Variants in TENM4 observed in about 807,000 individuals in gnomAD.
TENM4 encodes teneurin transmembrane protein 4.
TENM4 carries 82 observed loss-of-function variants against 243.3 expected under a neutral mutation model. The ratio of observed to expected loss-of-function variants is 0.34; its 90% CI spans 0.28 to 0.40. The LOEUF (loss-of-function observed/expected upper bound fraction) is 0.40. TENM4 is among the 10% of genes least tolerant of loss of function. TENM4 has a pLI of 1.00. For missense variants in TENM4, 3,138 were observed against 3,673.3 expected (o/e 0.85, Z 3.77); for synonymous variants, 1,412 against 1,456.3 (o/e 0.97, Z 0.69).
chr11:78,972,937 G>A (rs1857576352), intron 6 of TENM4, among the ~76,000 whole-genome samples: 1 of 152,176 alleles, frequency 6.6e-6, no homozygotes, highest in Admixed American at 6.5e-5. Context: ...TATAATATGT[G>A]CTCTTTTGTG....
intron 7 of TENM4, among the ~76,000 whole-genome samples, chr11:78,899,810 G>C (rs1433895075): frequency 6.6e-6 from 1 of 152,006 alleles, no homozygotes; most frequent in Non-Finnish European, 1.5e-5. Context: ...TTTACTTTCT[G>C]CCATGAGTGG....
intron 7 of TENM4, among the ~76,000 whole-genome samples, chr11:78,902,767 G>C (rs938989420): frequency 1.3e-5 from 2 of 152,196 alleles, no homozygotes; most frequent in African/African-American, 4.8e-5. Flanking sequence ...GGAAGGAGGA[G>C]AGGTGGGGAG....
In TENM4 at chr11:78,805,284, G is replaced by C. The variant is rs760484355; in HGVS notation, c.2179+8C>G. The C allele has an allele frequency of 2.1e-3, 424 of 200,862 alleles. No individual in the cohort carries two copies. The highest frequency in any genetic ancestry group is 4.0e-3 in the South Asian group (44 of 11,136). The allele number at this position is 200,862 out of a possible 1,614,324, so 12.4% of individuals were successfully genotyped here. On this transcript the variant is annotated splice_region_variant and intron_variant, in intron 15 of 33. Transcript: ENST00000278550. Reference sequence around the variant, plus strand: ...CTCTACCCATGCTTCTTCTCCCCCTGCATTTACCGATAGAACAGTCGTGTC... The same window carrying C: ...CTCTACCCATGCTTCTTCTCCCCCTCCATTTACCGATAGAACAGTCGTGTC...
chr11:79,016,704 A>G (rs1858783725), intron 6 of TENM4, among the ~76,000 whole-genome samples: 1 of 152,214 alleles, frequency 6.6e-6, no homozygotes, highest in Admixed American at 6.5e-5. Flanking sequence ...CATGCCCAAG[A>G]AAAACTACCC....
intron 1 of TENM4, among the ~76,000 whole-genome samples, chr11:79,411,023 A>G (rs1049364209): frequency 2.0e-5 from 3 of 152,156 alleles, no homozygotes; most frequent in African/African-American, 4.8e-5. Flanking sequence ...GCCAGCACCC[A>G]TATTCTCTAC....
chr11:79,160,452 G>A (rs1046323284), intron 3 of TENM4, among the ~76,000 whole-genome samples: 1 of 152,112 alleles, frequency 6.6e-6, no homozygotes, highest in African/African-American at 2.4e-5. Context: ...GGGGGACTTG[G>A]GGAGAGCCTC....
intron 12 of TENM4, among the ~76,000 whole-genome samples, chr11:78,843,763 G>T (rs1338055186): frequency 6.6e-6 from 1 of 152,182 alleles, no homozygotes; most frequent in African/African-American, 2.4e-5. Context: ...AGGAGTACTG[G>T]CAAAGAAAGA....
intron 26 of TENM4, 127 bp from the exon 27 acceptor site, chr11:78,708,642 C>A: frequency 9.0e-7 from 1 of 1,113,938 alleles, no homozygotes; most frequent in South Asian, 1.6e-5. Flanking sequence ...CCACAACCTT[C>A]ATTCCTCTCT....
Position 78,954,640 on chromosome 11 carries a change from C to T in TENM4, c.494-51117G>A, listed in dbSNP as rs371303906. Among the ~76,000 whole-genome samples, 16 of 152,294 alleles carry T rather than the reference C, an allele frequency of 1.1e-4. No individual in the cohort carries two copies. In the East Asian group the frequency reaches 2.7e-3, roughly 26 times the overall value. ...CCTGCTTTCATAGTATTTATTTTTA[C>T]AGTTACCTTCTATTTATGGCAAGTC... On this transcript the variant is annotated intron_variant, in intron 6 of 33. Coordinates refer to ENST00000278550, the MANE Select transcript of TENM4 (RefSeq NM_001098816.3).
At chr11:78,798,560 T>C (rs1857213240) in intron 15 of TENM4, among the ~76,000 whole-genome samples, 1 of 152,212 alleles carries the variant, frequency 6.6e-6, no homozygotes, top group South Asian at 2.1e-4. Context: ...TCATTGACAA[T>C]TATTTTAAGC....
chr11:79,168,073 C>T (rs1308152746), intron 3 of TENM4, among the ~76,000 whole-genome samples: 1 of 152,186 alleles, frequency 6.6e-6, no homozygotes, highest in Non-Finnish European at 1.5e-5. Context: ...TTGTGCCTGG[C>T]AGGCAGGAGC....
At chr11:78,852,924 A>ATTT (rs767358890) in intron 12 of TENM4, among the ~76,000 whole-genome samples, 5 of 150,552 alleles carry the variant, frequency 3.3e-5, no homozygotes, top group Non-Finnish European at 5.9e-5. Context: ...TACTTTTAAT[A>ATTT]TTTTTTTTTG....
chr11:79,290,127 T>C (rs1264046811), intron 2 of TENM4, among the ~76,000 whole-genome samples: 2 of 152,154 alleles, frequency 1.3e-5, no homozygotes, highest in Non-Finnish European at 2.9e-5. Flanking sequence ...GGAGGCTCTC[T>C]AATCTATAAA....
At chr11:78,836,303 T>C (rs1858113417) in intron 12 of TENM4, among the ~76,000 whole-genome samples, 1 of 152,158 alleles carries the variant, frequency 6.6e-6, no homozygotes, top group Admixed American at 6.5e-5. Flanking sequence ...TCAGCCGAGA[T>C]TGCGCTGTTG....
In TENM4 at chr11:79,319,558, C is replaced by A. The variant is rs191976465; in HGVS notation, c.-320-22015G>T. Among the ~76,000 whole-genome samples, 12 of 152,148 alleles carry A rather than the reference C, an allele frequency of 7.9e-5. No individual in the cohort carries two copies. In the East Asian group the frequency reaches 2.1e-3, roughly 27 times the overall value. ...CAAGTATGTGCAACTTAATGTTGTT[C>A]CACCAAATGGATGATCCTGGGCATG... On this transcript the variant is annotated intron_variant, in intron 1 of 33. Coordinates refer to ENST00000278550, the MANE Select transcript of TENM4 (RefSeq NM_001098816.3).
intron 1 of TENM4, among the ~76,000 whole-genome samples, chr11:79,404,294 T>C (rs180997014): frequency 6.4e-4 from 98 of 152,362 alleles, no homozygotes; most frequent in African/African-American, 2.1e-3. Context: ...AGTCCACTTA[T>C]TCATTTCACA....
intron 10 of TENM4, among the ~76,000 whole-genome samples, chr11:78,858,368 G>GA (rs893913516): frequency 8.1e-5 from 12 of 148,900 alleles, no homozygotes; most frequent in African/African-American, 2.5e-4. Flanking sequence ...TGTATATGCT[G>GA]AAAAAAAAAA....
intron 9 of TENM4, among the ~76,000 whole-genome samples, chr11:78,886,500 C>A (rs985628962): frequency 1.4e-4 from 21 of 152,248 alleles, no homozygotes; most frequent in African/African-American, 4.8e-4. Context: ...TGCACACCTG[C>A]AACGCGTTCA....
rs1275296904 is a variant in TENM4 at position 78,669,166 on chromosome 11, G to A, written c.7179C>T (p.Asn2393=). The part of the protein sequence containing the change: ...TAYGEIYMDT[N]PNFQIIIGYH... ...AGCCTATGATGATCTGAAAGTTGGGGTTGGTATCCATGTAGATCTCCCCAT... is the reference window on the plus strand; with the variant it reads ...AGCCTATGATGATCTGAAAGTTGGGATTGGTATCCATGTAGATCTCCCCAT... Residue 2393 remains asparagine, a synonymous_variant, in exon 32 of 34, where the codon AAC becomes AAT. Coordinates refer to ENST00000278550, the MANE Select transcript of TENM4 (RefSeq NM_001098816.3). The surrounding 1 kb of genome is among the most constrained non-coding windows in gnomAD (Gnocchi z 6.4). The A allele has an allele frequency of 3.1e-6, 5 of 1,613,848 alleles. No individual in the cohort carries two copies. Among genetic ancestry groups the A allele is most frequent in the Admixed American group, 3.3e-5 (2 of 60,006 alleles).
Sources: allele counts gnomAD v4.1 joint callset (sites outside exome capture counted in the v4.1 genomes callset), GRCh38; gene constraint gnomAD v4.1.1; non-coding constraint Gnocchi (gnomAD v3.1); transcripts MANE v1.5; gene names NCBI Gene and HGNC (gene_info 2026-07-23, HGNC 2026-07-21).